The following GHRL variants were observed in gnomAD, a reference collection of about 807,000 sequenced individuals.
GHRL encodes appetite-regulating hormone.
GHRL carries 24 observed loss-of-function variants against 16.9 expected under a neutral mutation model. The ratio of observed to expected loss-of-function variants is 1.42; its 90% confidence interval spans 1.03 to 2.00. The LOEUF is 2.00. GHRL is among the 30% of genes most tolerant of loss of function. The probability of loss-of-function intolerance (pLI) is 0.00; values close to 1 mark genes in which losing one functional copy is unlikely to be tolerated. For synonymous variants in GHRL, 63 were observed against 58.2 expected (o/e 1.08, Z -0.37); for missense variants, 193 against 142.1 (o/e 1.36, Z -1.82).
At chr3:10,289,658 C>T (rs2125210120) in intron 4 of GHRL, 104 bp downstream of exon 4, 2 of 790,530 alleles carry the variant, frequency 2.5e-6, no homozygotes, top group African/African-American at 1.7e-5. Flanking sequence ...TTCTGGGGAG[C>T]TTGTAGTTGG....
Position 10,289,959 on chromosome 3 carries a change from T to C in GHRL, c.109-81A>G. On this transcript the variant is annotated intron_variant, in intron 3 of 5. Transcript: ENST00000335542. ...CAGTGAGGTCAGACCCAGAGTCCTTTGTGCTCTGGGAGAAGACTGAAGCCC... is the reference window on the plus strand; with the variant it reads ...CAGTGAGGTCAGACCCAGAGTCCTTCGTGCTCTGGGAGAAGACTGAAGCCC... The C allele has an allele frequency of 3.4e-6, 5 of 1,481,188 alleles. No homozygotes were observed. The South Asian group carries it at 5.9e-5, about 17-fold the overall frequency. The allele number at this position is 1,481,188 out of a possible 1,614,324, so 91.8% of individuals were successfully genotyped here.
At position 10,291,162 on chromosome 3, in the gene GHRL, G is replaced by A; in HGVS notation, c.-476C>T. The A allele has an allele frequency of 1.0e-6, 1 of 985,704 alleles. No individual in the cohort carries two copies. Among genetic ancestry groups the A allele is most frequent in the Non-Finnish European group, 1.2e-6 (1 of 830,110 alleles). 61.1% of individuals were successfully genotyped at this position (985,704 alleles called of 1,614,324 possible). On this transcript the variant is annotated 5_prime_UTR_variant, in exon 2 of 6. Transcript: ENST00000335542. ...CCGTTGTTTCCCATGTGCTGTTGCT[G>A]CTCTGGCCTCTGTGAGCCCCGGGAG... is the stretch of plus-strand genomic sequence containing the variant.
At chr3:10,290,287 G>A (rs2125214953) in intron 2 of GHRL, 78 bp from the exon 3 acceptor site, 1 of 1,421,586 alleles carries the variant, frequency 7.0e-7, no homozygotes, top group South Asian at 1.3e-5. Flanking sequence ...GAGCCCAGCA[G>A]ATGGCGTGAA....
rs978548674 is a variant in GHRL at position 10,291,315 on chromosome 3, G to A, written c.-629C>T. On this transcript the variant is annotated 5_prime_UTR_variant, in exon 2 of 6. Transcript: ENST00000335542. ...GGGGATAACTTCAGCCAGTGGCTAT[G>A]CTTCAGTCATTTCTGCCAGGTGTGA... The A allele has an allele frequency of 8.1e-6, 8 of 985,496 alleles. No homozygotes were observed. The South Asian group carries it at 3.3e-4, about 40-fold the overall frequency. 61.0% of individuals were successfully genotyped at this position (985,496 alleles called of 1,614,324 possible). A position where few individuals can be genotyped will look rare whatever the true frequency, so the allele number is the denominator to read the frequency against.
intron 2 of GHRL, 95 bp downstream of exon 2, chr3:10,290,621 G>A (rs1018175505): frequency 7.4e-5 from 35 of 474,082 alleles, no homozygotes; most frequent in Non-Finnish European, 8.9e-5. Flanking sequence ...GTGTTTAGAG[G>A]GGACTCCTGA....
At chr3:10,287,562 G>C (rs934844612) in intron 4 of GHRL, 1 of 153,762 alleles carries the variant, frequency 6.5e-6, no homozygotes, top group East Asian at 1.9e-4. Context: ...TGGCTACCTC[G>C]GTGCCTGGCC....
At chr3:10,290,282 C>G (rs1699789814) in intron 2 of GHRL, 73 bp from the exon 3 acceptor site, 6 of 1,446,232 alleles carry the variant, frequency 4.1e-6, no homozygotes, top group Non-Finnish European at 5.6e-6. Flanking sequence ...GGTAGGAGCC[C>G]AGCAGATGGC....
chr3:10,290,197 C>T lies in GHRL; in HGVS notation c.-17G>A, dbSNP rs758485535. 1.4e-5 allele frequency: 22 copies of T among 1,603,262 alleles called. No homozygotes were observed. Among genetic ancestry groups the T allele is most frequent in the Middle Eastern group, 4.0e-4 (2 of 4,968 alleles). The stretch of plus-strand genomic sequence containing the variant: ...GGAGGGCATGGCCTCAGCTGGGTTG[C>T]AGACAGGTGGGCCTGGGGGAGAGAG... On this transcript the variant is annotated 5_prime_UTR_variant, in exon 3 of 6. Transcript: ENST00000335542.
Position 10,291,052 on chromosome 3 carries a change from G to C in GHRL, c.-366C>G, listed in dbSNP as rs1336595706. 3 of 985,520 alleles carry C rather than the reference G, an allele frequency of 3.0e-6. 1 individual carries two copies. Among genetic ancestry groups the C allele is most frequent in the Non-Finnish European group, 1.2e-6 (1 of 830,052 alleles). 61.0% of individuals were successfully genotyped at this position (985,520 alleles called of 1,614,324 possible). On this transcript the variant is annotated 5_prime_UTR_variant, in exon 2 of 6. Coordinates refer to ENST00000335542, the MANE Select transcript of GHRL (RefSeq NM_016362.5). ...TCTGGGTGCAGCTTTGTTGCTGTGT[G>C]ACCTTAGCTTACTCGCCCTTTCTCC...
In GHRL at chr3:10,290,880, T is replaced by G; in HGVS notation, c.-194A>C. The G allele has an allele frequency of 2.0e-6, 2 of 985,544 alleles. No homozygotes were observed. Among genetic ancestry groups the G allele is most frequent in the Non-Finnish European group, 2.4e-6 (2 of 830,032 alleles). 61.0% of individuals were successfully genotyped at this position (985,544 alleles called of 1,614,324 possible). The stretch of plus-strand genomic sequence containing the variant: ...AATGTTCTTGTCCTCTGGGTAGAAG[T>G]CAACAGTGGAGGTCAGATGCCCTGC... On this transcript the variant is annotated 5_prime_UTR_variant, in exon 2 of 6. It removes the in-frame stop codon of an upstream open reading frame in the 5' UTR. Transcript: ENST00000335542.
Position 10,291,160 on chromosome 3 carries a change from C to T in GHRL, c.-474G>A. 2.0e-6 allele frequency: 2 copies of T among 985,650 alleles called. No homozygotes were observed. The highest frequency in any genetic ancestry group is 9.4e-5 in the South Asian group (2 of 21,292). 61.1% of individuals were successfully genotyped at this position (985,650 alleles called of 1,614,324 possible). A position where few individuals can be genotyped will look rare whatever the true frequency, so the allele number is the denominator to read the frequency against. ...CCCCGTTGTTTCCCATGTGCTGTTGCTGCTCTGGCCTCTGTGAGCCCCGGG... is the reference window on the plus strand; with the variant it reads ...CCCCGTTGTTTCCCATGTGCTGTTGTTGCTCTGGCCTCTGTGAGCCCCGGG... On this transcript the variant is annotated 5_prime_UTR_variant, in exon 2 of 6. Coordinates refer to ENST00000335542, the MANE Select transcript of GHRL (RefSeq NM_016362.5).
chr3:10,286,689 CCAGG>C lies in GHRL; in HGVS notation c.334+11_334+14del. The C allele has an allele frequency of 4.2e-6, 6 of 1,426,830 alleles. No individual in the cohort carries two copies. The highest frequency in any genetic ancestry group is 5.9e-6 in the Non-Finnish European group (6 of 1,009,088). The allele number at this position is 1,426,830 out of a possible 1,614,324, so 88.4% of individuals were successfully genotyped here. ...TGCAAGGAAACCGAGCAAACCCAGT[CCAGG>C]CAGGACTCACCTTTGGCCTCTTCCC... On this transcript the variant is annotated intron_variant, in intron 5 of 5. Coordinates refer to ENST00000335542, the MANE Select transcript of GHRL (RefSeq NM_016362.5).
At chr3:10,290,390 C>T in intron 2 of GHRL, 181 bp from the exon 3 acceptor site, 2 of 608,076 alleles carry the variant, frequency 3.3e-6, no homozygotes, top group Non-Finnish European at 5.7e-6. Context: ...GTTCTCTTCT[C>T]CAAGGCCGTT....
intron 5 of GHRL, 92 bp downstream of exon 5, chr3:10,286,612 G>C (rs1265914105): frequency 4.4e-6 from 3 of 683,976 alleles, no homozygotes; most frequent in Non-Finnish European, 8.0e-6. Flanking sequence ...CTTTTGGAGA[G>C]GCAGAGGTTG....
Position 10,291,263 on chromosome 3 carries a change from T to C in GHRL, c.-577A>G. 2 of 985,496 alleles carry C rather than the reference T, an allele frequency of 2.0e-6. No homozygotes were observed. Among genetic ancestry groups the C allele is most frequent in the Non-Finnish European group, 2.4e-6 (2 of 829,950 alleles). The allele number at this position is 985,496 out of a possible 1,614,324, so 61.0% of individuals were successfully genotyped here. A position where few individuals can be genotyped will look rare whatever the true frequency, so the allele number is the denominator to read the frequency against. ...ACCTCCCGGTTGAGCAGACTGCTCC[T>C]GATCATCCTCTCCAGAGAGTGGGTG... is the stretch of plus-strand genomic sequence containing the variant. On this transcript the variant is annotated 5_prime_UTR_variant, in exon 2 of 6. Transcript: ENST00000335542.
rs1156743077 is a variant in GHRL, at chr3:10,290,713, T to A, written c.-30+3A>T. 1.0e-6 allele frequency: 1 copy of A among 1,002,476 alleles called. No individual in the cohort carries two copies. Among genetic ancestry groups the A allele is most frequent in the Non-Finnish European group, 1.2e-6 (1 of 840,502 alleles). The allele number at this position is 1,002,476 out of a possible 1,614,324, so 62.1% of individuals were successfully genotyped here. A position where few individuals can be genotyped will look rare whatever the true frequency, so the allele number is the denominator to read the frequency against. On this transcript the variant is annotated splice_donor_region_variant and intron_variant, in intron 2 of 5. Coordinates refer to ENST00000335542, the MANE Select transcript of GHRL (RefSeq NM_016362.5). ...ACGCACACGGAGAGTAGAGAGAGCT[T>A]ACCTGCAGTTCCTGGCGGAGGTGGT... is the stretch of plus-strand genomic sequence containing the variant.
rs1035521886 is a variant in GHRL, at chr3:10,290,920, G to T, written c.-234C>A. On this transcript the variant is annotated 5_prime_UTR_variant, in exon 2 of 6. Transcript: ENST00000335542. Reference sequence around the variant, plus strand: ...AGATGCCCTGCGGAATTGCTGGGTTGGCGAGGGAAGAAGCATGTGCTCCAG... The same window carrying T: ...AGATGCCCTGCGGAATTGCTGGGTTTGCGAGGGAAGAAGCATGTGCTCCAG... The T allele has an allele frequency of 6.1e-6, 6 of 985,544 alleles. No individual in the cohort carries two copies. Among genetic ancestry groups the T allele is most frequent in the Admixed American group, 1.2e-4 (2 of 16,268 alleles). 61.0% of individuals were successfully genotyped at this position (985,544 alleles called of 1,614,324 possible). A position where few individuals can be genotyped will look rare whatever the true frequency, so the allele number is the denominator to read the frequency against.
At chr3:10,292,764 TA>T (rs367917269) in intron 1 of GHRL, 77 bp downstream of exon 1, 39,271 of 554,530 alleles carry the variant, frequency 0.071, no homozygotes, top group South Asian at 0.1. Context: ...CACCAACCCA[TA>T]AAAAAAAAAA....
chr3:10,289,963 C>G (rs1432750842), intron 3 of GHRL, 85 bp from the exon 4 acceptor site: 2 of 1,509,090 alleles, frequency 1.3e-6, no homozygotes, highest in African/African-American at 2.7e-5. Flanking sequence ...GTCCTTTGTG[C>G]TCTGGGAGAA....
Sources: allele counts gnomAD v4.1 joint callset, GRCh38; gene constraint gnomAD v4.1.1; transcripts MANE v1.5; gene names NCBI Gene and HGNC (gene_info 2026-07-23, HGNC 2026-07-21).